TRIM26: variants seen among roughly 807,000 people sequenced by gnomAD.
The protein encoded by TRIM26 is tripartite motif containing 26, also known as tripartite motif-containing protein 26.
A neutral mutation model predicts 45.5 loss-of-function variants in TRIM26; 16 were observed. That is an observed-to-expected ratio of 0.35 (90% CI 0.24 to 0.53). The LOEUF (loss-of-function observed/expected upper bound fraction) is 0.53. TRIM26 is among the 20% of genes least tolerant of loss of function. TRIM26 has a pLI of 0.92. For missense variants in TRIM26, 442 were observed against 691.1 expected, an observed-to-expected ratio of 0.64 and a Z score of 4.04; for synonymous variants, 273 against 290.4, an observed-to-expected ratio of 0.94 and a Z score of 0.61.
At chr6:30,202,901 AAAT>A (rs964369513) in intron 2 of TRIM26, among the ~76,000 whole-genome samples, 8 of 152,334 alleles carry the variant, frequency 5.3e-5, no homozygotes, top group African/African-American at 1.9e-4. Flanking sequence ...GACTAAAGAG[AAAT>A]AATAACCAAA....
In TRIM26 at chr6:30,199,078, C is replaced by T; in HGVS notation, c.26G>A (p.Ser9Asn). The change falls in exon 4 of 10, where the codon AGC becomes AAC. Residue 9 changes from serine to asparagine, a missense_variant. Physicochemically the swap from Ser to Asn is conservative, Grantham distance 46. Coordinates refer to ENST00000454678, the MANE Select transcript of TRIM26 (RefSeq NM_003449.5). ...GGAGCAGGTCACCTCCTCTTCCAGG[C>T]TCCGTAGTGGGGCTGACGTGGCCAT... MATSAPLR[S>N]LEEEVTCSIC... 1 of 1,580,048 alleles carries T rather than the reference C, an allele frequency of 6.3e-7. No homozygotes were observed. The highest frequency in any genetic ancestry group is 8.6e-7 in the Non-Finnish European group (1 of 1,158,784).
chr6:30,208,772 T>C (rs1777972846), intron 1 of TRIM26, among the ~76,000 whole-genome samples: 1 of 152,268 alleles, frequency 6.6e-6, no homozygotes, highest in South Asian at 2.1e-4. Flanking sequence ...CAGGCCAAAC[T>C]GTTTCCAAAG....
chr6:30,208,461 T>C (rs1249864856), intron 1 of TRIM26, among the ~76,000 whole-genome samples: 2 of 151,500 alleles, frequency 1.3e-5, no homozygotes, highest in Non-Finnish European at 2.9e-5. Context: ...ATACACCCCA[T>C]AAACAGAGTT....
chr6:30,210,386 T>C (rs1778166028), intron 1 of TRIM26, among the ~76,000 whole-genome samples: 1 of 152,158 alleles, frequency 6.6e-6, no homozygotes, highest in Non-Finnish European at 1.5e-5. Context: ...TTGTACATGC[T>C]CTTCTCTCCA....
Position 30,186,557 on chromosome 6 carries a change from C to A in TRIM26, c.939G>T (p.Val313=). 6.7e-7 allele frequency: 1 copy of A among 1,503,130 alleles called. No individual in the cohort carries two copies. 93.1% of individuals were successfully genotyped at this position (1,503,130 alleles called of 1,614,324 possible). A position where few individuals can be genotyped will look rare whatever the true frequency, so the allele number is the denominator to read the frequency against. ...KLLRDLEYKT[V]SVTLDPQSAS... The stretch of plus-strand genomic sequence containing the variant: ...CCGACTGTGGGTCCAGGGTGACGCT[C>A]ACTGTGGGGACAAGGGAAAAAAAAA... Residue 313 remains valine (V), a splice_region_variant and synonymous_variant, in exon 10 of 10, where the codon GTG becomes GTT. Coordinates refer to ENST00000454678, the MANE Select transcript of TRIM26 (RefSeq NM_003449.5). This position sits in a 1 kb window ranked among gnomAD's most constrained non-coding sequence, Gnocchi z 7.4.
rs1218963898 is a variant in TRIM26, at chr6:30,196,116, G to C, written c.765+400C>G. ...CTCTGGGTCTTTGAGAGGAGCTGCT[G>C]GTCAGCCCTCCCTCAGCCACCCCCA... is the stretch of plus-strand genomic sequence containing the variant. On this transcript the variant is annotated intron_variant, in intron 6 of 9. Coordinates refer to ENST00000454678, the MANE Select transcript of TRIM26 (RefSeq NM_003449.5). This position sits in a 1 kb window ranked among gnomAD's most constrained non-coding sequence, Gnocchi z 4.9. Among the ~76,000 whole-genome samples the C allele has an allele frequency of 6.6e-6, 1 of 152,112 alleles. No individual in the cohort carries two copies. Among genetic ancestry groups the C allele is most frequent in the Admixed American group, 6.6e-5 (1 of 15,254 alleles).
At chr6:30,194,853 G>A (rs945142624) in intron 6 of TRIM26, among the ~76,000 whole-genome samples, 4 of 152,066 alleles carry the variant, frequency 2.6e-5, no homozygotes, top group African/African-American at 4.8e-5. Context: ...CTGAGATCAC[G>A]CCACTGCACT....
Position 30,203,674 on chromosome 6 carries a change from C to T in TRIM26, c.-266+982G>A, listed in dbSNP as rs192687492. On this transcript the variant is annotated intron_variant, in intron 2 of 9. Transcript: ENST00000454678. The stretch of plus-strand genomic sequence containing the variant: ...TCAGGTGATCCACCTGCCTTGGCTT[C>T]CCAAAGTGCTGGGATTACAGGTGTG... Among the ~76,000 whole-genome samples the T allele has an allele frequency of 1.8e-3, 275 of 152,250 alleles. 1 individual carries two copies. Among genetic ancestry groups the T allele is most frequent in the African/African-American group, 6.4e-3 (265 of 41,538 alleles).
chr6:30,187,574 T>C, intron 9 of TRIM26: 1 of 438,724 alleles, frequency 2.3e-6, no homozygotes, highest in Non-Finnish European at 4.6e-6. Context: ...TGCTACTCTC[T>C]GTGCTAACTG....
intron 6 of TRIM26, among the ~76,000 whole-genome samples, chr6:30,193,823 C>T (rs543826111): frequency 1.3e-5 from 2 of 152,154 alleles, no homozygotes; most frequent in South Asian, 4.1e-4. Context: ...TTTTATTTTA[C>T]TTTTGTAGCT....
At position 30,190,180 on chromosome 6, in the gene TRIM26, G is replaced by A. The variant is rs1775676029; in HGVS notation, c.766-145C>T. The A allele has an allele frequency of 1.2e-6, 1 of 824,604 alleles. No homozygotes were observed. Among genetic ancestry groups the A allele is most frequent in the South Asian group, 1.6e-5 (1 of 63,904 alleles). 51.1% of individuals were successfully genotyped at this position (824,604 alleles called of 1,614,324 possible). On this transcript the variant is annotated intron_variant, in intron 6 of 9. Coordinates refer to ENST00000454678, the MANE Select transcript of TRIM26 (RefSeq NM_003449.5). This position sits in a 1 kb window ranked among gnomAD's most constrained non-coding sequence, Gnocchi z 4.3. ...TTTTTATGGAGCTGACATTCCAGTG[G>A]GGTCACTGCATAAAACAACAAGAAA...
At chr6:30,192,288 C>T (rs1414666827) in intron 6 of TRIM26, among the ~76,000 whole-genome samples, 1 of 152,164 alleles carries the variant, frequency 6.6e-6, no homozygotes, top group Non-Finnish European at 1.5e-5. Context: ...GAGAGAGCAT[C>T]AAGAAAGTTC....
rs539036923 is a variant in TRIM26 at position 30,196,800 on chromosome 6, C to T, written c.535-54G>A. ...TGACACCTCTGCTCAGGGTGGAGGGCCCAGTGCTGGAGGTGTGCAAGGCTG... is the reference window on the plus strand; with the variant it reads ...TGACACCTCTGCTCAGGGTGGAGGGTCCAGTGCTGGAGGTGTGCAAGGCTG... On this transcript the variant is annotated intron_variant, in intron 5 of 9. Coordinates refer to ENST00000454678, the MANE Select transcript of TRIM26 (RefSeq NM_003449.5). This position sits in a 1 kb window ranked among gnomAD's most constrained non-coding sequence, Gnocchi z 4.9. 3.9e-5 allele frequency: 62 copies of T among 1,582,764 alleles called. 1 individual carries two copies. In the South Asian group the frequency reaches 6.8e-4, roughly 17 times the overall value.
intron 6 of TRIM26, among the ~76,000 whole-genome samples, chr6:30,193,193 T>TTTTTC (rs28743184): frequency 0.037 from 2,485 of 67,094 alleles, 114 homozygotes; most frequent in African/African-American, 0.058. Flanking sequence ...TTTTTTTTTT[T>TTTTTC]TTTTTTTTAA....
At chr6:30,200,972 A>G (rs1178216800) in intron 3 of TRIM26, 63 bp downstream of exon 3, 1 of 152,270 alleles carries the variant, frequency 6.6e-6, no homozygotes, top group African/African-American at 2.4e-5. Flanking sequence ...AGAGGAAGTG[A>G]GCAGAACCAG....
chr6:30,210,142 T>G, intron 1 of TRIM26, among the ~76,000 whole-genome samples: 1 of 150,724 alleles, frequency 6.6e-6, no homozygotes, highest in South Asian at 2.1e-4. Context: ...GAGGCGGAGG[T>G]TGCAGTGAGC....
rs143522791 is a variant in TRIM26, at chr6:30,186,292, C to T, written c.1204G>A (p.Gly402Ser). 1.3e-4 allele frequency: 216 copies of T among 1,608,584 alleles called. No homozygotes were observed. In the African/African-American group the frequency reaches 2.1e-3, roughly 16 times the overall value. The change falls in exon 10 of 10, where the codon GGC becomes AGC. Residue 402 changes from glycine (G) to serine (S), a missense_variant. By Grantham distance (56) the Gly-to-Ser change is moderately conservative. Coordinates refer to ENST00000454678, the MANE Select transcript of TRIM26 (RefSeq NM_003449.5). This position sits in a 1 kb window ranked among gnomAD's most constrained non-coding sequence, Gnocchi z 7.4. ...CAGTCGTCATATCCATCCCCATAGC[C>T]GGCCTCCTCTTCCTCCTCCTCCTCT... Reference protein sequence around the residue: ...GEEEEEEEEAGYGDGYDDWET... With the variant: ...GEEEEEEEEASYGDGYDDWET...
Position 30,196,666 on chromosome 6 carries a change from G to A in TRIM26, c.615C>T (p.His205=), listed in dbSNP as rs778974079. The change falls in exon 6 of 10, where the codon CAC becomes CAT. Residue 205 remains histidine (H), a synonymous_variant. Transcript: ENST00000454678. The surrounding 1 kb of genome is among the most constrained non-coding windows in gnomAD (Gnocchi z 4.9). ...GHQFLREREE[H]LLEQLAKLEQ... ...CCAGCTTCGCCAGCTGTTCCAGCAG[G>A]TGTTCCTCCCGCTCCCTCAGGAACT... The A allele has an allele frequency of 1.1e-5, 17 of 1,614,110 alleles. No homozygotes were observed. The South Asian group carries it at 1.4e-4, about 14-fold the overall frequency.
Position 30,189,863 on chromosome 6 carries a change from C to T in TRIM26, c.788+150G>A. 1 of 895,754 alleles carries T rather than the reference C, an allele frequency of 1.1e-6. No homozygotes were observed. Among genetic ancestry groups the T allele is most frequent in the Non-Finnish European group, 1.8e-6 (1 of 562,232 alleles). 55.5% of individuals were successfully genotyped at this position (895,754 alleles called of 1,614,324 possible). A position where few individuals can be genotyped will look rare whatever the true frequency, so the allele number is the denominator to read the frequency against. On this transcript the variant is annotated intron_variant, in intron 7 of 9. Coordinates refer to ENST00000454678, the MANE Select transcript of TRIM26 (RefSeq NM_003449.5). This position sits in a 1 kb window ranked among gnomAD's most constrained non-coding sequence, Gnocchi z 5.0. The stretch of plus-strand genomic sequence containing the variant: ...AAGTCTCCAGTTCTCAATGATGTGT[C>T]CTGCTCCTCAGAAGGGCATCAGGAT...
Sources: gnomAD v4.1 joint callset for allele counts (sites outside exome capture counted in the v4.1 genomes callset) on GRCh38, gnomAD v4.1.1 for gene constraint, Gnocchi (gnomAD v3.1) non-coding constraint, MANE v1.5 for transcripts, NCBI Gene and HGNC (gene_info 2026-07-23, HGNC 2026-07-21) for gene names.